The following DAPK1 variants were observed in gnomAD, a reference collection of about 807,000 sequenced individuals.
DAPK1 encodes the protein death associated protein kinase 1, also known as death-associated protein kinase 1.
DAPK1 carries 56 observed loss-of-function variants against 144.9 expected under a neutral mutation model. That is an observed-to-expected ratio of 0.39 (90% CI 0.31 to 0.48). The LOEUF is 0.48. DAPK1 is among the 20% of genes least tolerant of loss of function. The pLI is 0.95. For synonymous variants in DAPK1, 690 were observed against 749.0 expected, an observed-to-expected ratio of 0.92 and a Z score of 1.29; for missense variants, 1,454 against 1,875.4, an observed-to-expected ratio of 0.78 and a Z score of 4.15.
intron 18 of DAPK1, among the ~76,000 whole-genome samples, chr9:87,661,840 C>T (rs145451203): frequency 6.6e-6 from 1 of 152,054 alleles, no homozygotes; most frequent in South Asian, 2.1e-4. Context: ...AAGTCCTGTT[C>T]GTCTATTTTT....
chr9:87,595,069 AT>A (rs1828267423), intron 2 of DAPK1, among the ~76,000 whole-genome samples: 1 of 152,244 alleles, frequency 6.6e-6, no homozygotes, highest in African/African-American at 2.4e-5. Flanking sequence ...GAAACAGTGA[AT>A]ATAGAGTCCA....
intron 2 of DAPK1, among the ~76,000 whole-genome samples, chr9:87,503,375 C>T (rs1824479497): frequency 6.6e-6 from 1 of 152,118 alleles, no homozygotes; most frequent in Non-Finnish European, 1.5e-5. Flanking sequence ...AGCAGTCCTC[C>T]CACCTTGGCC....
At chr9:87,578,097 C>G (rs2118808492) in intron 2 of DAPK1, among the ~76,000 whole-genome samples, 1 of 152,200 alleles carries the variant, frequency 6.6e-6, no homozygotes, top group South Asian at 2.1e-4. Flanking sequence ...GTAACTCATG[C>G]TCATGTAGAA....
At chr9:87,642,180 C>T (rs1238063867) in intron 10 of DAPK1, 122 bp downstream of exon 10, 7 of 753,198 alleles carry the variant, frequency 9.3e-6, no homozygotes, top group East Asian at 2.7e-5. Context: ...TCTTTTTAAT[C>T]CACCCTGTAG....
chr9:87,549,901 C>G (rs1341737265), intron 2 of DAPK1, among the ~76,000 whole-genome samples: 1 of 152,194 alleles, frequency 6.6e-6, no homozygotes, highest in Non-Finnish European at 1.5e-5. Context: ...CCCTCTGTCA[C>G]GCCATCTTCA....
intron 2 of DAPK1, among the ~76,000 whole-genome samples, chr9:87,513,741 C>T (rs1824938943): frequency 6.6e-6 from 1 of 152,192 alleles, no homozygotes; most frequent in African/African-American, 2.4e-5. Context: ...GTGTCCTGTT[C>T]TACTGTCACT....
At chr9:87,675,049 T>C (rs1287728555) in intron 19 of DAPK1, among the ~76,000 whole-genome samples, 1 of 152,190 alleles carries the variant, frequency 6.6e-6, no homozygotes, top group Non-Finnish European at 1.5e-5. Context: ...GAAAAATGTG[T>C]AAGTCAGGTC....
rs1564000952 is a variant in DAPK1, at chr9:87,571,484, C to CCA, written c.63-33470_63-33469insCA. Reference sequence around the variant, plus strand: ...ACACACACACACACACCAACACACACACACACACACCCCAACACACACACA... The same window carrying CCA: ...ACACACACACACACACCAACACACACCAACACACACACCCCAACACACACACA... On this transcript the variant is annotated intron_variant, in intron 2 of 25. Transcript: ENST00000408954. Among the ~76,000 whole-genome samples the CCA allele has an allele frequency of 3.2e-4, 19 of 58,682 alleles. 3 individuals carry two copies. Among genetic ancestry groups the CCA allele is most frequent in the Middle Eastern group, 7.2e-3 (1 of 138 alleles). The allele number at this position is 58,682 out of a possible 152,430, so 38.5% of individuals were successfully genotyped here. A position where few individuals can be genotyped will look rare whatever the true frequency, so the allele number is the denominator to read the frequency against.
intron 2 of DAPK1, among the ~76,000 whole-genome samples, chr9:87,560,757 A>G (rs1826883435): frequency 6.7e-6 from 1 of 148,446 alleles, no homozygotes; most frequent in Non-Finnish European, 1.5e-5. Context: ...CCTCCACCTT[A>G]TAGGATCAAG....
chr9:87,683,742 C>A (rs1375998581), intron 20 of DAPK1, among the ~76,000 whole-genome samples: 3 of 152,176 alleles, frequency 2.0e-5, no homozygotes, highest in Non-Finnish European at 4.4e-5. Flanking sequence ...TTTCTGCACG[C>A]CCCACCATGG....
At chr9:87,548,788 C>T (rs553106105) in intron 2 of DAPK1, among the ~76,000 whole-genome samples, 14 of 152,006 alleles carry the variant, frequency 9.2e-5, no homozygotes, top group Non-Finnish European at 1.8e-4. Context: ...TCAGCCGAGT[C>T]TTCCTGTGTA....
intron 19 of DAPK1, among the ~76,000 whole-genome samples, chr9:87,670,184 C>T (rs548106449): frequency 6.6e-6 from 1 of 152,132 alleles, no homozygotes; most frequent in Admixed American, 6.5e-5. Flanking sequence ...GCAAAACAAG[C>T]AGGGGCAAGG....
chr9:87,554,820 C>T (rs1328258625), intron 2 of DAPK1, among the ~76,000 whole-genome samples: 2 of 152,226 alleles, frequency 1.3e-5, no homozygotes, highest in African/African-American at 2.4e-5. Context: ...CCACCCCCAC[C>T]GGAGGTCTGA....
At chr9:87,518,113 T>TTTG (rs1563970390) in intron 2 of DAPK1, among the ~76,000 whole-genome samples, 4,857 of 142,138 alleles carry the variant, frequency 0.034, 337 homozygotes, top group African/African-American at 0.13. Flanking sequence ...TTGTTTTTTT[T>TTTG]TTTTTTTTTT....
At chr9:87,512,710 C>T (rs1043899074) in intron 2 of DAPK1, among the ~76,000 whole-genome samples, 5 of 151,848 alleles carry the variant, frequency 3.3e-5, no homozygotes, top group African/African-American at 1.2e-4. Context: ...GTGGTGTAAT[C>T]TCGGCTCACT....
intron 20 of DAPK1, among the ~76,000 whole-genome samples, chr9:87,684,651 A>G (rs1824774223): frequency 1.3e-5 from 2 of 152,166 alleles, no homozygotes; most frequent in Admixed American, 6.5e-5. Flanking sequence ...CCAAGGTCAT[A>G]GGAGGCATGA....
chr9:87,675,862 C>G (rs1404746696), intron 19 of DAPK1, among the ~76,000 whole-genome samples: 1 of 149,512 alleles, frequency 6.7e-6, no homozygotes, highest in Non-Finnish European at 1.5e-5. Flanking sequence ...CACACACACA[C>G]ACACACACAC....
chr9:87,666,094 G>C (rs1831041961), intron 18 of DAPK1, among the ~76,000 whole-genome samples: 1 of 152,196 alleles, frequency 6.6e-6, no homozygotes, highest in African/African-American at 2.4e-5. Flanking sequence ...AGAAGGCCAG[G>C]TAGTTAGGGC....
chr9:87,633,404 T>C, intron 3 of DAPK1: 2 of 985,170 alleles, frequency 2.0e-6, no homozygotes, highest in South Asian at 9.4e-5. Flanking sequence ...CATCAGTTGA[T>C]AAGTCCTGAC....
Sources: gnomAD v4.1 joint callset for allele counts (sites outside exome capture counted in the v4.1 genomes callset) on GRCh38, gnomAD v4.1.1 for gene constraint, MANE v1.5 for transcripts, NCBI Gene and HGNC (gene_info 2026-07-23, HGNC 2026-07-21) for gene names.